The following HIBADH variants were observed in gnomAD, a reference collection of about 807,000 sequenced individuals.
The protein encoded by HIBADH is 3-hydroxyisobutyrate dehydrogenase, mitochondrial.
A neutral mutation model predicts 36.1 loss-of-function variants in HIBADH; 25 were observed. That is an observed-to-expected ratio of 0.69 (90% confidence interval 0.50 to 0.97). The LOEUF is 0.97. HIBADH is among the 50% of genes least tolerant of loss of function. The probability of loss-of-function intolerance (pLI) is 0.00; values close to 1 mark genes in which losing one functional copy is unlikely to be tolerated. For missense variants in HIBADH, 421 were observed against 418.0 expected (o/e 1.01, Z -0.06); for synonymous variants, 160 against 149.5 (o/e 1.07, Z -0.51).
chr7:27,576,116 G>C (rs1183062788), intron 4 of HIBADH, among the ~76,000 whole-genome samples: 2 of 152,186 alleles, frequency 1.3e-5, no homozygotes, highest in Non-Finnish European at 2.9e-5. Context: ...GCAGAGAAAG[G>C]GATGGGAGCA....
chr7:27,636,753 G>A (rs1001054920), intron 2 of HIBADH, among the ~76,000 whole-genome samples: 1 of 152,186 alleles, frequency 6.6e-6, no homozygotes, highest in Admixed American at 6.5e-5. Context: ...CAATGAAAAT[G>A]AAGCACAAGT....
intron 2 of HIBADH, among the ~76,000 whole-genome samples, chr7:27,638,308 C>CAAAAAAAAAAAAAAAAAAAAAAAAA (rs368715218): frequency 1.4e-4 from 8 of 55,462 alleles, no homozygotes; most frequent in African/African-American, 6.0e-4. Context: ...TTGGCAAAGT[C>CAAAAAAAAAAAAAAAAAAAAAAAAA]AAAAAAAAAA....
At chr7:27,603,457 T>C (rs1056184846) in intron 4 of HIBADH, among the ~76,000 whole-genome samples, 1 of 152,184 alleles carries the variant, frequency 6.6e-6, no homozygotes, top group African/African-American at 2.4e-5. Flanking sequence ...TTTGTTGTTT[T>C]CATTCTTTAT....
At chr7:27,608,966 G>T (rs949282690) in intron 4 of HIBADH, among the ~76,000 whole-genome samples, 1 of 152,190 alleles carries the variant, frequency 6.6e-6, no homozygotes. Context: ...AGCCTGGCAA[G>T]AACAGCTGGT....
chr7:27,613,179 A>ATTTATATATATTTATATAAATATAT (rs1554298964), intron 4 of HIBADH, among the ~76,000 whole-genome samples: 1 of 14,002 alleles, frequency 7.1e-5, no homozygotes, highest in African/African-American at 6.0e-4. Context: ...ATATAAATAT[A>ATTTATATATATTTATATAAATATAT]TTTATATAAA....
intron 4 of HIBADH, among the ~76,000 whole-genome samples, chr7:27,568,636 ATT>A (rs952938622): frequency 4.6e-5 from 7 of 151,406 alleles, no homozygotes; most frequent in African/African-American, 1.7e-4. Context: ...TTTTTTTTAA[ATT>A]TTTTTGTATT....
At chr7:27,585,087 A>G (rs559680227) in intron 4 of HIBADH, among the ~76,000 whole-genome samples, 1 of 152,202 alleles carries the variant, frequency 6.6e-6, no homozygotes, top group East Asian at 1.9e-4. Context: ...ATATACATAC[A>G]TAAATTACTA....
chr7:27,588,972 T>C (rs1357050485), intron 4 of HIBADH, among the ~76,000 whole-genome samples: 2 of 152,212 alleles, frequency 1.3e-5, no homozygotes, highest in Non-Finnish European at 2.9e-5. Flanking sequence ...TTTTAAATTA[T>C]ACTAGTTAAA....
chr7:27,541,532 C>A (rs1281451564), intron 5 of HIBADH, among the ~76,000 whole-genome samples: 1 of 152,156 alleles, frequency 6.6e-6, no homozygotes, highest in Non-Finnish European at 1.5e-5. Flanking sequence ...GTGATGGGTT[C>A]ATGACTATTC....
chr7:27,633,193 T>C (rs1785778724), intron 2 of HIBADH, among the ~76,000 whole-genome samples: 1 of 152,182 alleles, frequency 6.6e-6, no homozygotes, highest in Admixed American at 6.5e-5. Context: ...GCGCTGTCTA[T>C]CCTGTTTGCT....
At chr7:27,589,928 C>T (rs1784916872) in intron 4 of HIBADH, among the ~76,000 whole-genome samples, 1 of 152,094 alleles carries the variant, frequency 6.6e-6, no homozygotes, top group Non-Finnish European at 1.5e-5. Context: ...TTCTAGAAGT[C>T]CTGTTTTGTG....
intron 2 of HIBADH, among the ~76,000 whole-genome samples, chr7:27,640,000 G>C (rs1369780381): frequency 2.6e-5 from 4 of 152,150 alleles, no homozygotes; most frequent in Non-Finnish European, 5.9e-5. Context: ...AACTATGTGA[G>C]GTTTGCAAAA....
At chr7:27,564,009 C>G (rs1330592857) in intron 4 of HIBADH, among the ~76,000 whole-genome samples, 1 of 151,630 alleles carries the variant, frequency 6.6e-6, no homozygotes, top group African/African-American at 2.4e-5. Flanking sequence ...CGCCATTCTC[C>G]TGCCTCAGCC....
intron 4 of HIBADH, among the ~76,000 whole-genome samples, chr7:27,584,200 G>T (rs1224655649): frequency 6.6e-6 from 1 of 152,050 alleles, no homozygotes; most frequent in East Asian, 1.9e-4. Context: ...AATGTGGAAA[G>T]AACTTTTTAT....
chr7:27,616,257 T>C (rs965782638), intron 4 of HIBADH, among the ~76,000 whole-genome samples: 10 of 152,140 alleles, frequency 6.6e-5, no homozygotes, highest in African/African-American at 2.4e-4. Context: ...CTCCAAGGAA[T>C]AGCATTAATC....
intron 4 of HIBADH, among the ~76,000 whole-genome samples, chr7:27,597,098 A>C (rs1161115003): frequency 1.3e-5 from 2 of 152,124 alleles, no homozygotes; most frequent in African/African-American, 2.4e-5. Context: ...AAGAAAATAA[A>C]AATTAAGGCA....
intron 2 of HIBADH, 105 bp downstream of exon 2, chr7:27,649,368 G>C: frequency 1.2e-6 from 1 of 811,676 alleles, no homozygotes; most frequent in Non-Finnish European, 1.8e-6. Flanking sequence ...ACTGAATTAG[G>C]TTTACAACTC....
At chr7:27,640,087 G>C (rs1785934111) in intron 2 of HIBADH, among the ~76,000 whole-genome samples, 1 of 152,288 alleles carries the variant, frequency 6.6e-6, no homozygotes, top group Non-Finnish European at 1.5e-5. Context: ...ATTGCTTAAA[G>C]GCATTTTTGT....
chr7:27,644,261 C>T (rs568284911), intron 2 of HIBADH, among the ~76,000 whole-genome samples: 2 of 151,784 alleles, frequency 1.3e-5, no homozygotes, highest in African/African-American at 2.4e-5. Flanking sequence ...GTCAAGAGAT[C>T]GAGACCATCC....
Sources: gnomAD v4.1 joint callset for allele counts (sites outside exome capture counted in the v4.1 genomes callset) on GRCh38, gnomAD v4.1.1 for gene constraint, MANE v1.5 for transcripts, NCBI Gene and HGNC (gene_info 2026-07-23, HGNC 2026-07-21) for gene names.